The following CNTNAP5 variants were observed in gnomAD, a reference collection of about 807,000 sequenced individuals.
CNTNAP5 encodes contactin-associated protein-like 5.
A neutral mutation model predicts 150.2 loss-of-function variants in CNTNAP5; 72 were observed. The observed-to-expected ratio is 0.48, with a 90% CI of 0.40 to 0.58. The LOEUF is 0.58. Ranked by LOEUF, CNTNAP5 falls within the 20% of genes least tolerant of loss-of-function variation. The pLI is 0.00. For synonymous variants in CNTNAP5, 672 were observed against 619.8 expected, an observed-to-expected ratio of 1.08 and a Z score of -1.25; for missense variants, 1,636 against 1,626.2, an observed-to-expected ratio of 1.01 and a Z score of -0.10.
At chr2:124,311,919 C>T (rs932950718) in intron 3 of CNTNAP5, among the ~76,000 whole-genome samples, 4 of 152,144 alleles carry the variant, frequency 2.6e-5, no homozygotes, top group Non-Finnish European at 5.9e-5. Context: ...TACAAACTGG[C>T]TCATGGTACT....
intron 19 of CNTNAP5, among the ~76,000 whole-genome samples, chr2:124,861,092 T>C (rs1220377144): frequency 6.6e-6 from 1 of 151,618 alleles, no homozygotes; most frequent in African/African-American, 2.4e-5. Context: ...TCAATCATGA[T>C]GGAATACCTG....
chr2:124,425,068 G>A (rs997820269), intron 4 of CNTNAP5, among the ~76,000 whole-genome samples: 4 of 152,180 alleles, frequency 2.6e-5, no homozygotes, highest in Non-Finnish European at 4.4e-5. Context: ...GCAACAGTAC[G>A]TTTCCACAAA....
chr2:124,558,004 G>A (rs1394772865), intron 10 of CNTNAP5, among the ~76,000 whole-genome samples: 1 of 152,132 alleles, frequency 6.6e-6, no homozygotes, highest in African/African-American at 2.4e-5. Flanking sequence ...AGAACTGGAA[G>A]ATCATTTTAA....
At chr2:124,750,011 C>G (rs1680691730) in intron 14 of CNTNAP5, among the ~76,000 whole-genome samples, 4 of 152,166 alleles carry the variant, frequency 2.6e-5, no homozygotes, top group Admixed American at 2.6e-4. Context: ...ACTCTGAACC[C>G]CTCATCTGAT....
intron 1 of CNTNAP5, among the ~76,000 whole-genome samples, chr2:124,070,396 GAAAAAAA>G (rs70996039): frequency 0.08 from 5,886 of 73,170 alleles, 202 homozygotes; most frequent in South Asian, 0.23. Context: ...GCTGAATGGG[GAAAAAAA>G]AAAAAAAAAA....
At chr2:124,909,883 G>C (rs1296214832) in intron 22 of CNTNAP5, among the ~76,000 whole-genome samples, 1 of 133,656 alleles carries the variant, frequency 7.5e-6, no homozygotes, top group Non-Finnish European at 1.6e-5. Context: ...ATGTATGCAT[G>C]TATGTAGGTC....
intron 16 of CNTNAP5, among the ~76,000 whole-genome samples, chr2:124,769,923 T>G (rs574544979): frequency 6.6e-6 from 1 of 152,208 alleles, no homozygotes; most frequent in South Asian, 2.1e-4. Flanking sequence ...AGTCAATTAA[T>G]GAAAAATGAG....
chr2:124,653,918 C>A lies in CNTNAP5; in HGVS notation c.2077+5960C>A, dbSNP rs945347676. ...ATGCCCCCACTGCCCCCAACCCCCC[C>A]CCCCCGCCACACACACACAATCAGT... On this transcript the variant is annotated intron_variant, in intron 13 of 23. Transcript: ENST00000682447. Among the ~76,000 whole-genome samples the A allele has an allele frequency of 1.6e-4, 22 of 137,960 alleles. 1 individual carries two copies. The highest frequency in any genetic ancestry group is 3.0e-4 in the African/African-American group (11 of 36,916). 90.5% of individuals were successfully genotyped at this position (137,960 alleles called of 152,430 possible). A position where few individuals can be genotyped will look rare whatever the true frequency, so the allele number is the denominator to read the frequency against.
At chr2:124,220,026 T>A (rs2104738269) in intron 1 of CNTNAP5, among the ~76,000 whole-genome samples, 1 of 152,272 alleles carries the variant, frequency 6.6e-6, no homozygotes, top group African/African-American at 2.4e-5. Context: ...GTTGATTTTT[T>A]AATACACTTA....
At chr2:124,304,978 A>G (rs1411490608) in intron 3 of CNTNAP5, among the ~76,000 whole-genome samples, 1 of 151,978 alleles carries the variant, frequency 6.6e-6, no homozygotes, top group Non-Finnish European at 1.5e-5. Flanking sequence ...GAATAGTCAC[A>G]CTGCAGGCCA....
intron 19 of CNTNAP5, among the ~76,000 whole-genome samples, chr2:124,860,543 C>T (rs1677503954): frequency 6.9e-6 from 1 of 144,352 alleles, no homozygotes; most frequent in African/African-American, 2.6e-5. Context: ...TTCCTTCCTT[C>T]CTTCTCTCCT....
At chr2:124,295,651 A>G (rs963752082) in intron 3 of CNTNAP5, among the ~76,000 whole-genome samples, 1 of 152,272 alleles carries the variant, frequency 6.6e-6, no homozygotes, top group Non-Finnish European at 1.5e-5. Flanking sequence ...TTGTCAGGAA[A>G]GTAAAGGAAC....
intron 1 of CNTNAP5, among the ~76,000 whole-genome samples, chr2:124,182,811 G>A (rs1685241198): frequency 6.6e-6 from 1 of 152,088 alleles, no homozygotes; most frequent in East Asian, 1.9e-4. Flanking sequence ...TACCCATGAA[G>A]CTACCTTGGC....
intron 13 of CNTNAP5, among the ~76,000 whole-genome samples, chr2:124,711,455 A>G (rs1215564567): frequency 6.6e-6 from 1 of 152,080 alleles, no homozygotes; most frequent in Non-Finnish European, 1.5e-5. Context: ...CCCTGTCTCT[A>G]TCTGCTTTAG....
At chr2:124,487,904 C>A (rs1693926636) in intron 7 of CNTNAP5, among the ~76,000 whole-genome samples, 1 of 152,106 alleles carries the variant, frequency 6.6e-6, no homozygotes, top group Non-Finnish European at 1.5e-5. Context: ...ATTTTTGCAA[C>A]CCTCATGCAC....
chr2:124,707,123 A>AAAGAAGAAGAAGAGGAAG (rs1679693092), intron 13 of CNTNAP5, among the ~76,000 whole-genome samples: 1 of 73,116 alleles, frequency 1.4e-5, no homozygotes, highest in Non-Finnish European at 2.8e-5. Context: ...GAAGAAGAAG[A>AAAGAAGAAGAAGAGGAAG]AAGAAGAAGA....
At chr2:124,182,526 A>T (rs1377808625) in intron 1 of CNTNAP5, among the ~76,000 whole-genome samples, 2 of 152,172 alleles carry the variant, frequency 1.3e-5, no homozygotes, top group Non-Finnish European at 2.9e-5. Context: ...TGACCTATGC[A>T]CAAGGAAGCT....
chr2:124,618,624 G>A (rs189105275), intron 12 of CNTNAP5, among the ~76,000 whole-genome samples: 2 of 152,194 alleles, frequency 1.3e-5, no homozygotes, highest in Admixed American at 6.5e-5. Flanking sequence ...AACTAGAATC[G>A]AGAATGCAGG....
At chr2:124,581,125 T>C (rs1350294565) in intron 11 of CNTNAP5, among the ~76,000 whole-genome samples, 1 of 152,146 alleles carries the variant, frequency 6.6e-6, no homozygotes, top group Non-Finnish European at 1.5e-5. Flanking sequence ...CAATGAAGTA[T>C]CTGCTGGAGA....
Sources: allele counts gnomAD v4.1 joint callset (sites outside exome capture counted in the v4.1 genomes callset), GRCh38; gene constraint gnomAD v4.1.1; transcripts MANE v1.5; gene names NCBI Gene and HGNC (gene_info 2026-07-23, HGNC 2026-07-21).